STK32B: variants seen among roughly 807,000 people sequenced by gnomAD.
The protein encoded by STK32B is serine/threonine kinase 32B.
Under a neutral mutation model 52.6 loss-of-function variants are expected in STK32B, and 43 were observed. The observed-to-expected ratio is 0.82, with a 90% CI of 0.64 to 1.05. STK32B has a LOEUF of 1.05. STK32B is among the 50% of genes least tolerant of loss of function. The probability of loss-of-function intolerance (pLI) is 0.00; values close to 1 mark genes in which losing one functional copy is unlikely to be tolerated. For synonymous variants in STK32B, 238 were observed against 204.3 expected (o/e 1.17, Z -1.41); for missense variants, 621 against 534.6 (o/e 1.16, Z -1.59).
At chr4:5,441,295 T>G (rs1714720472) in intron 6 of STK32B, among the ~76,000 whole-genome samples, 1 of 151,858 alleles carries the variant, frequency 6.6e-6, no homozygotes, top group Non-Finnish European at 1.5e-5. Context: ...CTGTTATTGG[T>G]CTATTCAGAG....
intron 3 of STK32B, among the ~76,000 whole-genome samples, chr4:5,171,748 T>C (rs1406513049): frequency 6.7e-6 from 1 of 148,564 alleles, no homozygotes; most frequent in Non-Finnish European, 1.5e-5. Context: ...GCGTGATGCC[T>C]CCAGCTTTGT....
intron 3 of STK32B, among the ~76,000 whole-genome samples, chr4:5,239,055 C>T (rs577868061): frequency 6.6e-6 from 1 of 152,182 alleles, no homozygotes; most frequent in East Asian, 1.9e-4. Context: ...ATCAGAAAAG[C>T]CCTTTGGAGT....
intron 4 of STK32B, among the ~76,000 whole-genome samples, chr4:5,370,326 T>G (rs1323214093): frequency 6.6e-6 from 1 of 152,220 alleles, no homozygotes; most frequent in Non-Finnish European, 1.5e-5. Context: ...AGCTGCACCA[T>G]ATTTGTGAAT....
chr4:5,247,658 C>T (rs568081262), intron 3 of STK32B, among the ~76,000 whole-genome samples: 3 of 152,288 alleles, frequency 2.0e-5, no homozygotes, highest in African/African-American at 4.8e-5. Context: ...CCATCTTCTG[C>T]GTCGCTCATG....
At chr4:5,448,738 C>A (rs1715705158) in intron 7 of STK32B, among the ~76,000 whole-genome samples, 1 of 152,154 alleles carries the variant, frequency 6.6e-6, no homozygotes, top group African/African-American at 2.4e-5. Flanking sequence ...AGGCCTTTGG[C>A]ATGGAGACAA....
chr4:5,200,216 C>T (rs939963312), intron 3 of STK32B, among the ~76,000 whole-genome samples: 1 of 151,728 alleles, frequency 6.6e-6, no homozygotes, highest in African/African-American at 2.4e-5. Context: ...TCAGTATATA[C>T]ACTGCCTGCT....
chr4:5,156,260 TATATA>T (rs1214422617), intron 2 of STK32B, among the ~76,000 whole-genome samples: 8 of 142,980 alleles, frequency 5.6e-5, no homozygotes, highest in East Asian at 1.9e-4. Flanking sequence ...ACAGATAACA[TATATA>T]ATATAAATGC....
chr4:5,176,104 T>G (rs866530043), intron 3 of STK32B, among the ~76,000 whole-genome samples: 1 of 152,238 alleles, frequency 6.6e-6, no homozygotes, highest in African/African-American at 2.4e-5. Flanking sequence ...CTGAGCCATG[T>G]GCGGGATATA....
chr4:5,076,687 T>C (rs1712093717), intron 1 of STK32B, among the ~76,000 whole-genome samples: 1 of 152,194 alleles, frequency 6.6e-6, no homozygotes, highest in African/African-American at 2.4e-5. Flanking sequence ...AAAAAGCTGT[T>C]GAATTTTAAG....
Position 5,090,604 on chromosome 4 carries a change from C to T in STK32B, c.52+38689C>T, listed in dbSNP as rs186715830. Reference sequence around the variant, plus strand: ...GGTCTCGATCTCCTGACCTCGTGATCCACCCTCCTTGGCCTCCCAAAGTGC... The same window carrying T: ...GGTCTCGATCTCCTGACCTCGTGATTCACCCTCCTTGGCCTCCCAAAGTGC... On this transcript the variant is annotated intron_variant, in intron 1 of 11. Coordinates refer to ENST00000282908, the MANE Select transcript of STK32B (RefSeq NM_018401.3). Among the ~76,000 whole-genome samples, 76 of 152,184 alleles carry T rather than the reference C, an allele frequency of 5.0e-4. No individual in the cohort carries two copies. In the East Asian group the frequency reaches 0.013, roughly 26 times the overall value.
At chr4:5,183,980 A>C (rs77198283) in intron 3 of STK32B, among the ~76,000 whole-genome samples, 28 of 152,170 alleles carry the variant, frequency 1.8e-4, no homozygotes, top group African/African-American at 6.8e-4. Context: ...AGACCACTCA[A>C]ACTTTCTCCG....
At chr4:5,363,704 G>C (rs1734691671) in intron 4 of STK32B, among the ~76,000 whole-genome samples, 1 of 152,180 alleles carries the variant, frequency 6.6e-6, no homozygotes, top group African/African-American at 2.4e-5. Flanking sequence ...TTGAGCCTTT[G>C]TATTGTGACT....
At chr4:5,037,925 G>C in the STK32B span, among the ~76,000 whole-genome samples, 1 of 152,162 alleles carries the variant, frequency 6.6e-6, no homozygotes. Flanking sequence ...TGAATGAATG[G>C]ATAACTGAAG....
chr4:5,372,925 C>A (rs768131081), intron 4 of STK32B, among the ~76,000 whole-genome samples: 5 of 152,072 alleles, frequency 3.3e-5, no homozygotes, highest in African/African-American at 1.2e-4. Context: ...GACCCATGAC[C>A]CAAATGAGGA....
upstream of STK32B, chr4:5,051,419 T>A (rs1311297259): frequency 5.3e-6 from 1 of 187,734 alleles, no homozygotes; most frequent in Admixed American, 6.4e-5. Context: ...CTTTCTCAGC[T>A]CCTTCCGCCC....
intron 2 of STK32B, among the ~76,000 whole-genome samples, chr4:5,141,772 GA>G (rs2108833947): frequency 6.6e-6 from 1 of 152,254 alleles, no homozygotes; most frequent in South Asian, 2.1e-4. Context: ...CAGTAGCTCA[GA>G]GGCTGTCTGA....
chr4:5,496,340 C>T lies in STK32B; in HGVS notation c.1107-2605C>T, dbSNP rs532347003. Among the ~76,000 whole-genome samples, 6 of 152,322 alleles carry T rather than the reference C, an allele frequency of 3.9e-5. No individual in the cohort carries two copies. In the South Asian group the frequency reaches 1.2e-3, roughly 32 times the overall value. On this transcript the variant is annotated intron_variant, in intron 11 of 11. Coordinates refer to ENST00000282908, the MANE Select transcript of STK32B (RefSeq NM_018401.3). Reference sequence around the variant, plus strand: ...TGCAGTTTGATCTCAGACTGCTGTGCTAGCAATCAGCGAGACTCCGTGGGC... The same window carrying T: ...TGCAGTTTGATCTCAGACTGCTGTGTTAGCAATCAGCGAGACTCCGTGGGC...
chr4:5,406,263 C>T (rs1179401853), intron 5 of STK32B, among the ~76,000 whole-genome samples: 1 of 152,216 alleles, frequency 6.6e-6, no homozygotes, highest in East Asian at 1.9e-4. Flanking sequence ...GCATCTCTGC[C>T]CGTGTTGCTC....
At chr4:5,446,114 T>C (rs1419385993) in intron 6 of STK32B, among the ~76,000 whole-genome samples, 2 of 152,214 alleles carry the variant, frequency 1.3e-5, no homozygotes, top group East Asian at 3.9e-4. Context: ...GGACGGCCCT[T>C]CCATGCCCCC....
Sources: gnomAD v4.1 joint callset for allele counts (sites outside exome capture counted in the v4.1 genomes callset) on GRCh38, gnomAD v4.1.1 for gene constraint, MANE v1.5 for transcripts, NCBI Gene and HGNC (gene_info 2026-07-23, HGNC 2026-07-21) for gene names.